Variants in ABCA13 observed in about 807,000 individuals in gnomAD.
ABCA13 encodes ATP binding cassette subfamily A member 13, also known as ATP-binding cassette sub-family A member 13.
A neutral mutation model predicts 478.7 loss-of-function variants in ABCA13; 476 were observed. The observed-to-expected ratio is 0.99, with a 90% CI of 0.92 to 1.07. ABCA13 has a LOEUF of 1.07. Among genes scored for constraint, ABCA13 ranks in the 50% least tolerant of loss-of-function variants. The probability of loss-of-function intolerance (pLI) is 0.00; values close to 1 mark genes in which losing one functional copy is unlikely to be tolerated. For missense variants in ABCA13, 6,060 were observed against 5,910.6 expected (o/e 1.03, Z -0.83); for synonymous variants, 2,252 against 2,158.9 (o/e 1.04, Z -1.20).
At chr7:48,232,139 A>ATTTTTTTTTTTTTTTTATTTTTTTTTT (rs1789206713) in intron 7 of ABCA13, among the ~76,000 whole-genome samples, 1 of 51,318 alleles carries the variant, frequency 1.9e-5, no homozygotes, top group Non-Finnish European at 3.6e-5. Context: ...CCCACATGGA[A>ATTTTTTTTTTTTTTTTATTTTTTTTTT]TTTTTTTTTT....
chr7:48,425,058 G>A (rs1821223339), intron 41 of ABCA13, among the ~76,000 whole-genome samples: 1 of 152,162 alleles, frequency 6.6e-6, no homozygotes, highest in Non-Finnish European at 1.5e-5. Context: ...ATTGTACCCA[G>A]ATACTTAGTG....
chr7:48,500,341 C>A (rs1198456027), intron 48 of ABCA13, among the ~76,000 whole-genome samples: 2 of 152,114 alleles, frequency 1.3e-5, no homozygotes, highest in African/African-American at 4.8e-5. Flanking sequence ...CTACCTGCTG[C>A]TTTTTGCTCA....
At chr7:48,489,015 A>C (rs1390860151) in intron 47 of ABCA13, among the ~76,000 whole-genome samples, 2 of 152,208 alleles carry the variant, frequency 1.3e-5, no homozygotes, top group Middle Eastern at 3.2e-3. Flanking sequence ...GGGGAAAATT[A>C]ATCTATTTTT....
intron 42 of ABCA13, among the ~76,000 whole-genome samples, chr7:48,434,726 T>C (rs1032834553): frequency 5.9e-5 from 9 of 152,018 alleles, no homozygotes; most frequent in African/African-American, 2.2e-4. Context: ...CTCTTGCATA[T>C]GGATATCCAG....
At chr7:48,532,325 A>C (rs897644948) in intron 55 of ABCA13, among the ~76,000 whole-genome samples, 1 of 151,948 alleles carries the variant, frequency 6.6e-6, no homozygotes, top group Admixed American at 6.6e-5. Context: ...TGTTAAATCA[A>C]CCCTGCATCC....
intron 54 of ABCA13, among the ~76,000 whole-genome samples, chr7:48,527,113 A>G (rs1832938245): frequency 6.6e-6 from 1 of 152,014 alleles, no homozygotes; most frequent in African/African-American, 2.4e-5. Context: ...ATGTGGGGAG[A>G]GCTTTATTAA....
In ABCA13 at chr7:48,268,991, G is replaced by A. The variant is rs200621947; in HGVS notation, c.2017G>A (p.Glu673Lys). ...GTCTTTTTATTTAGCTTTTCCTGAGGAATCTCCTTGTTTTGAAGAAAACAT... is the reference window on the plus strand; with the variant it reads ...GTCTTTTTATTTAGCTTTTCCTGAGAAATCTCCTTGTTTTGAAGAAAACAT... The part of the protein sequence containing the change: ...FQNRLLAFPE[E>K]SPCFEENMDW... The change falls in exon 16 of 62, where the codon GAA becomes AAA. Residue 673 changes from glutamate to lysine, a missense_variant. Glu to Lys is a moderately conservative substitution (Grantham distance 56). Around this residue, in one of 3 missense-constraint regions of ABCA13, gnomAD observed 4,423 missense variants for 4,309.1 expected, o/e 1.03. Coordinates refer to ENST00000435803, the MANE Select transcript of ABCA13 (RefSeq NM_152701.5). The A allele has an allele frequency of 3.7e-5, 58 of 1,566,820 alleles. No individual in the cohort carries two copies. In the African/African-American group the frequency reaches 6.7e-4, roughly 18 times the overall value.
intron 48 of ABCA13, among the ~76,000 whole-genome samples, chr7:48,497,924 G>A (rs1054154269): frequency 2.6e-5 from 4 of 152,208 alleles, no homozygotes; most frequent in Non-Finnish European, 5.9e-5. Flanking sequence ...GGGGGCAGTG[G>A]TGGAACCAGG....
chr7:48,508,593 A>G (rs545489799), intron 50 of ABCA13, among the ~76,000 whole-genome samples: 63 of 152,270 alleles, frequency 4.1e-4, no homozygotes, highest in African/African-American at 1.4e-3. Context: ...TCTTAAGTAA[A>G]AAAAAGCATC....
At chr7:48,347,199 A>G (rs951585791) in intron 29 of ABCA13, among the ~76,000 whole-genome samples, 97 of 152,352 alleles carry the variant, frequency 6.4e-4, no homozygotes, top group Non-Finnish European at 6.2e-4. Context: ...TCATGGAATA[A>G]ACATGATGAA....
chr7:48,511,217 C>G lies in ABCA13; in HGVS notation c.13640+18C>G, dbSNP rs2130905016. 6.3e-7 allele frequency: 1 copy of G among 1,585,698 alleles called. No homozygotes were observed. The highest frequency in any genetic ancestry group is 8.6e-7 in the Non-Finnish European group (1 of 1,159,982). On this transcript the variant is annotated intron_variant, in intron 51 of 61. Coordinates refer to ENST00000435803, the MANE Select transcript of ABCA13 (RefSeq NM_152701.5). ...CTTTTCGGGTATGTGATGAGAAACG[C>G]TGCTGCAGAATTACGGTTTGTTTTC...
At chr7:48,485,758 G>A (rs1829235317) in intron 47 of ABCA13, among the ~76,000 whole-genome samples, 1 of 152,154 alleles carries the variant, frequency 6.6e-6, no homozygotes, top group Non-Finnish European at 1.5e-5. Flanking sequence ...TTGTGCTGCT[G>A]TGGGCTGTGC....
intron 48 of ABCA13, among the ~76,000 whole-genome samples, chr7:48,498,298 C>T (rs1484370446): frequency 2.0e-5 from 3 of 152,030 alleles, no homozygotes; most frequent in Non-Finnish European, 4.4e-5. Flanking sequence ...TTTTCCGGGT[C>T]CTTGGGTTTT....
intron 31 of ABCA13, among the ~76,000 whole-genome samples, chr7:48,359,725 A>C (rs1297569739): frequency 6.6e-6 from 1 of 152,002 alleles, no homozygotes; most frequent in Non-Finnish European, 1.5e-5. Context: ...AAAGTCCTAC[A>C]TCCTGAGAAA....
At chr7:48,186,335 C>T (rs1255648457) in intron 1 of ABCA13, among the ~76,000 whole-genome samples, 1 of 152,054 alleles carries the variant, frequency 6.6e-6, no homozygotes, top group Admixed American at 6.5e-5. Flanking sequence ...TCTAGATTGA[C>T]AGAATTTCTT....
chr7:48,249,239 A>G lies in ABCA13; in HGVS notation c.1893A>G (p.Gln631=), dbSNP rs373432451. Residue 631 remains glutamine (Q), a synonymous_variant, in exon 15 of 62, where the codon CAA becomes CAG. Coordinates refer to ENST00000435803, the MANE Select transcript of ABCA13 (RefSeq NM_152701.5). ...TVIFHTLEKT[Q]FFLEQAYYWK... Reference sequence around the variant, plus strand: ...TATTTCATACACTTGAAAAAACACAATTTTTCCTGGAACAAGCATATTATT... The same window carrying G: ...TATTTCATACACTTGAAAAAACACAGTTTTTCCTGGAACAAGCATATTATT... The G allele has an allele frequency of 3.6e-5, 58 of 1,612,124 alleles. No homozygotes were observed. Among genetic ancestry groups the G allele is most frequent in the South Asian group, 1.3e-4 (12 of 90,658 alleles).
At chr7:48,299,682 G>T (rs182915774) in intron 23 of ABCA13, among the ~76,000 whole-genome samples, 47 of 152,270 alleles carry the variant, frequency 3.1e-4, no homozygotes, top group African/African-American at 1.1e-3. Flanking sequence ...TAACTTCTGG[G>T]GTCCCTTTCA....
chr7:48,497,091 T>C (rs1479596511), intron 48 of ABCA13, among the ~76,000 whole-genome samples: 1 of 152,122 alleles, frequency 6.6e-6, no homozygotes, highest in Non-Finnish European at 1.5e-5. Context: ...TGTATTGTTT[T>C]CCCAGAGGTC....
chr7:48,234,088 C>T lies in ABCA13; in HGVS notation c.834C>T (p.Ser278=), dbSNP rs367866741. ...DPQKVQYDLK[S]QFGFDDLHTE... The stretch of plus-strand genomic sequence containing the variant: ...AGAAAGTCCAGTATGATCTCAAATC[C>T]CAGTTTGGCTTTGATGATCTTCACA... The change falls in exon 8 of 62, where the codon TCC becomes TCT. Residue 278 remains serine, a synonymous_variant. Transcript: ENST00000435803. The T allele has an allele frequency of 6.2e-6, 10 of 1,613,970 alleles. No homozygotes were observed. The highest frequency in any genetic ancestry group is 5.3e-5 in the African/African-American group (4 of 75,022).
Sources: allele counts gnomAD v4.1 joint callset (sites outside exome capture counted in the v4.1 genomes callset), GRCh38; gene constraint gnomAD v4.1.1; regional missense constraint gnomAD v4.1.1; transcripts MANE v1.5; gene names NCBI Gene and HGNC (gene_info 2026-07-23, HGNC 2026-07-21).